CSMD3: variants seen among roughly 807,000 people sequenced by gnomAD.
CSMD3 encodes CUB and sushi domain-containing protein 3.
CSMD3 carries 177 observed loss-of-function variants against 435.2 expected under a neutral mutation model. The ratio of observed to expected loss-of-function variants is 0.41; its 90% confidence interval spans 0.36 to 0.46. The LOEUF is 0.46. CSMD3 is among the 20% of genes least tolerant of loss of function. The pLI, the probability that CSMD3 is intolerant of heterozygous loss-of-function variation, is 0.34. For missense variants in CSMD3, 4,265 were observed against 4,504.6 expected, an observed-to-expected ratio of 0.95 and a Z score of 1.52; for synonymous variants, 1,656 against 1,520.5, an observed-to-expected ratio of 1.09 and a Z score of -2.07.
intron 5 of CSMD3, among the ~76,000 whole-genome samples, chr8:113,048,947 C>G (rs942587071): frequency 1.3e-5 from 2 of 152,010 alleles, no homozygotes; most frequent in African/African-American, 4.8e-5. Context: ...TTTTATAAGT[C>G]TCTTATAGAA....
At chr8:113,254,957 C>T (rs765059029) in intron 3 of CSMD3, among the ~76,000 whole-genome samples, 5 of 151,880 alleles carry the variant, frequency 3.3e-5, no homozygotes, top group Non-Finnish European at 5.9e-5. Flanking sequence ...AAGTATTATA[C>T]TAATACATTT....
At chr8:113,047,680 T>C (rs2087894754) in intron 5 of CSMD3, among the ~76,000 whole-genome samples, 1 of 152,234 alleles carries the variant, frequency 6.6e-6, no homozygotes, top group Non-Finnish European at 1.5e-5. Flanking sequence ...TTAAATTATT[T>C]GTAGTCATTT....
At chr8:112,247,626 T>C (rs1010539626) in intron 63 of CSMD3, among the ~76,000 whole-genome samples, 1 of 152,088 alleles carries the variant, frequency 6.6e-6, no homozygotes, top group African/African-American at 2.4e-5. Flanking sequence ...AAATATACAA[T>C]GGAAGATATA....
chr8:113,230,551 T>C (rs1333939163), intron 3 of CSMD3, among the ~76,000 whole-genome samples: 2 of 151,550 alleles, frequency 1.3e-5, no homozygotes, highest in Non-Finnish European at 3.0e-5. Flanking sequence ...AGTAAAAGTA[T>C]AAATAGGTGA....
chr8:113,170,135 T>C (rs754034686), intron 4 of CSMD3, among the ~76,000 whole-genome samples: 1 of 152,150 alleles, frequency 6.6e-6, no homozygotes, highest in Non-Finnish European at 1.5e-5. Context: ...GAGTAGATCA[T>C]TACAGAGTCA....
intron 22 of CSMD3, among the ~76,000 whole-genome samples, chr8:112,600,361 A>G (rs1162766676): frequency 1.3e-5 from 2 of 152,154 alleles, no homozygotes; most frequent in Admixed American, 6.5e-5. Context: ...TATTTTTTGA[A>G]TACTGCATAT....
chr8:112,535,887 T>C (rs1826027641), intron 27 of CSMD3, among the ~76,000 whole-genome samples: 1 of 152,074 alleles, frequency 6.6e-6, no homozygotes, highest in Non-Finnish European at 1.5e-5. Context: ...AACTATCTGA[T>C]CTTTGACAAA....
rs2130915797 is a variant in CSMD3 at position 112,503,907 on chromosome 8, C to T, written c.4966G>A (p.Gly1656Arg). 7 of 1,612,226 alleles carry T rather than the reference C, an allele frequency of 4.3e-6. No homozygotes were observed. The highest frequency in any genetic ancestry group is 5.9e-6 in the Non-Finnish European group (7 of 1,178,924). Residue 1656 changes from glycine to arginine, a missense_variant, in exon 30 of 71, where the codon GGA (glycine) becomes AGA (arginine). Around this residue, in one of 3 missense-constraint regions of CSMD3, gnomAD observed 3,255 missense variants for 3,380.2 expected, o/e 0.96. Transcript: ENST00000297405. ...DGPDSNSPLIGSFQDSKLPER... is the reference protein window; with the variant it reads ...DGPDSNSPLIRSFQDSKLPER... ...GGTAACTTGCTGTCTTGAAAACTTC[C>T]AATCAGTGGGCTATTACTGTCTGGT...
At chr8:113,206,736 G>C (rs2092775399) in intron 3 of CSMD3, among the ~76,000 whole-genome samples, 1 of 151,818 alleles carries the variant, frequency 6.6e-6, no homozygotes, top group African/African-American at 2.4e-5. Context: ...ATAAATATCT[G>C]GTCAAATTTT....
chr8:113,003,627 G>C (rs182753331), intron 6 of CSMD3, among the ~76,000 whole-genome samples: 1 of 152,036 alleles, frequency 6.6e-6, no homozygotes, highest in Non-Finnish European at 1.5e-5. Flanking sequence ...TTTTGAGGGA[G>C]GCAGAGGAAC....
intron 4 of CSMD3, among the ~76,000 whole-genome samples, chr8:113,131,413 G>A (rs1345865827): frequency 2.6e-5 from 4 of 152,062 alleles, no homozygotes; most frequent in Non-Finnish European, 4.4e-5. Context: ...TCTAGTCATG[G>A]CTAAAAGGGG....
At chr8:112,992,214 C>G (rs534309658) in intron 6 of CSMD3, among the ~76,000 whole-genome samples, 54 of 151,376 alleles carry the variant, frequency 3.6e-4, no homozygotes, top group Admixed American at 2.4e-3. Flanking sequence ...TTTTTGCTTG[C>G]TCTCTTGCTT....
At chr8:113,114,263 G>C (rs1319228350) in intron 4 of CSMD3, among the ~76,000 whole-genome samples, 1 of 152,050 alleles carries the variant, frequency 6.6e-6, no homozygotes, top group Non-Finnish European at 1.5e-5. Flanking sequence ...TTAGGAAAAG[G>C]GTTTCAATAG....
At chr8:112,960,919 C>A (rs1177371843) in intron 7 of CSMD3, among the ~76,000 whole-genome samples, 1 of 151,638 alleles carries the variant, frequency 6.6e-6, no homozygotes, top group African/African-American at 2.4e-5. Context: ...ACAGCCAATA[C>A]ATTTTTTTAA....
At chr8:112,843,462 G>C (rs762357358) in intron 11 of CSMD3, among the ~76,000 whole-genome samples, 1 of 151,892 alleles carries the variant, frequency 6.6e-6, no homozygotes, top group Non-Finnish European at 1.5e-5. Context: ...AAAAAAAGCT[G>C]TGACTATATT....
At chr8:112,967,154 C>T (rs536800142) in intron 7 of CSMD3, among the ~76,000 whole-genome samples, 4 of 140,834 alleles carry the variant, frequency 2.8e-5, no homozygotes, top group East Asian at 4.7e-4. Flanking sequence ...ATTTGAAAAG[C>T]GTACTATAAG....
chr8:112,319,033 T>A, intron 46 of CSMD3, 83 bp from the exon 47 acceptor site: 1 of 819,030 alleles, frequency 1.2e-6, no homozygotes, highest in Admixed American at 1.8e-5. Context: ...TAGGAGAATA[T>A]TTTCTCCTTT....
chr8:112,674,894 T>A (rs1034859118), intron 16 of CSMD3, among the ~76,000 whole-genome samples: 1 of 152,092 alleles, frequency 6.6e-6, no homozygotes, highest in Non-Finnish European at 1.5e-5. Context: ...CAACTTATAA[T>A]TCAAACAGTT....
At position 113,253,178 on chromosome 8, in the gene CSMD3, A is replaced by G. The variant is rs192630606; in HGVS notation, c.514+25414T>C. 7.0e-4 allele frequency among the ~76,000 whole-genome samples: 106 copies of G among 152,204 alleles called. 2 individuals carry two copies. Among genetic ancestry groups the G allele is most frequent in the African/African-American group, 2.3e-3 (96 of 41,548 alleles). On this transcript the variant is annotated intron_variant, in intron 3 of 70. Coordinates refer to ENST00000297405, the MANE Select transcript of CSMD3 (RefSeq NM_198123.2). ...GTACCCAAGATAGTTCAGTTTCCCT[A>G]TCTACAGGGATTGGCTGGGGACATC...
Sources: allele counts gnomAD v4.1 joint callset (sites outside exome capture counted in the v4.1 genomes callset), GRCh38; gene constraint gnomAD v4.1.1; regional missense constraint gnomAD v4.1.1; transcripts MANE v1.5; gene names NCBI Gene and HGNC (gene_info 2026-07-23, HGNC 2026-07-21).